The following SPEN variants were observed in gnomAD, a reference collection of about 807,000 sequenced individuals.
SPEN encodes msx2-interacting protein.
SPEN carries 18 observed loss-of-function variants against 269.9 expected under a neutral mutation model. That is an observed-to-expected ratio of 0.07 (90% CI 0.05 to 0.10). The LOEUF (loss-of-function observed/expected upper bound fraction) is 0.10. Among genes scored for constraint, SPEN ranks in the 10% least tolerant of loss-of-function variants. The pLI is 1.00. For missense variants in SPEN, 3,822 were observed against 4,631.2 expected, an observed-to-expected ratio of 0.83 and a Z score of 5.07; for synonymous variants, 1,726 against 1,765.7, an observed-to-expected ratio of 0.98 and a Z score of 0.56.
intron 1 of SPEN, among the ~76,000 whole-genome samples, chr1:15,870,851 G>T (rs2070566089): frequency 6.6e-6 from 1 of 152,194 alleles, no homozygotes; most frequent in Non-Finnish European, 1.5e-5. Context: ...TTCTTATGCA[G>T]TTGATGAAAA....
At position 15,929,360 on chromosome 1, in the gene SPEN, G is replaced by A. The variant is rs755049645; in HGVS notation, c.3120G>A (p.Val1040=). 26 of 1,613,174 alleles carry A rather than the reference G, an allele frequency of 1.6e-5. 1 individual carries two copies. The South Asian group carries it at 2.9e-4, about 18-fold the overall frequency. Residue 1040 remains valine, a synonymous_variant, in exon 11 of 15, where the codon GTG becomes GTA. Coordinates refer to ENST00000375759, the MANE Select transcript of SPEN (RefSeq NM_015001.3). This position sits in a 1 kb window ranked among gnomAD's most constrained non-coding sequence, Gnocchi z 5.8. ...LREGEAERKP[V]RKEILKRESK... ...AAGGAGAGGCTGAAAGAAAGCCTGT[G>A]AGGAAAGAAATTCTTAAAAGAGAAT...
In SPEN at chr1:15,848,415, C is replaced by T. The variant is rs2070298202; in HGVS notation, c.83+265C>T. ...TCCGTGACGAGGGAGGTGACCGAGG[C>T]TCGGCCTCCACGCAGCCGGCGCCCC... On this transcript the variant is annotated intron_variant, in intron 1 of 14. Transcript: ENST00000375759. The surrounding 1 kb of genome is among the most constrained non-coding windows in gnomAD (Gnocchi z 5.1). 6.6e-6 allele frequency among the ~76,000 whole-genome samples: 1 copy of T among 151,636 alleles called. No homozygotes were observed. Among genetic ancestry groups the T allele is most frequent in the African/African-American group, 2.4e-5 (1 of 41,380 alleles).
At chr1:15,892,306 G>A (rs2070798352) in intron 3 of SPEN, among the ~76,000 whole-genome samples, 1 of 152,114 alleles carries the variant, frequency 6.6e-6, no homozygotes, top group African/African-American at 2.4e-5. Flanking sequence ...TTACAGGCGT[G>A]AGCCACTGCT....
intron 1 of SPEN, among the ~76,000 whole-genome samples, chr1:15,859,903 A>ATTTTTTTTTT (rs1557734352): frequency 1.7e-5 from 1 of 59,302 alleles, no homozygotes; most frequent in African/African-American, 8.0e-5. Context: ...ATCAGTTAAC[A>ATTTTTTTTTT]TCTTTTTTTT....
chr1:15,878,124 T>G (rs750471653), intron 3 of SPEN, among the ~76,000 whole-genome samples: 2 of 152,150 alleles, frequency 1.3e-5, no homozygotes, highest in Non-Finnish European at 2.9e-5. Context: ...AATGCTTACT[T>G]TGATACCTAG....
intron 3 of SPEN, among the ~76,000 whole-genome samples, chr1:15,898,059 T>C (rs1445986995): frequency 6.6e-6 from 1 of 152,092 alleles, no homozygotes; most frequent in Admixed American, 6.6e-5. Context: ...GAGCAGAGCA[T>C]TGTGGGCAAA....
At chr1:15,896,769 C>T (rs780651262) in intron 3 of SPEN, among the ~76,000 whole-genome samples, 43 of 152,270 alleles carry the variant, frequency 2.8e-4, no homozygotes, top group Non-Finnish European at 5.7e-4. Flanking sequence ...GGAAAAATTA[C>T]TAGCTTGGGC....
rs1343631615 is a variant in SPEN at position 15,852,389 on chromosome 1, A to G, written c.83+4239A>G. Among the ~76,000 whole-genome samples, 5 of 152,354 alleles carry G rather than the reference A, an allele frequency of 3.3e-5. No homozygotes were observed. The East Asian group carries it at 9.6e-4, about 29-fold the overall frequency. ...TTTTGCACATTTTAAAAATAAAACA[A>G]AAAATTCAGAGTTATCTTAAAACAT... is the stretch of plus-strand genomic sequence containing the variant. On this transcript the variant is annotated intron_variant, in intron 1 of 14. Coordinates refer to ENST00000375759, the MANE Select transcript of SPEN (RefSeq NM_015001.3).
chr1:15,922,221 C>A (rs758940763), intron 9 of SPEN, 28 bp from the exon 10 acceptor site: 4 of 1,500,728 alleles, frequency 2.7e-6, no homozygotes, highest in South Asian at 1.2e-5. Flanking sequence ...TTGAAACTTG[C>A]ATCAAACACC....
In SPEN at chr1:15,930,485, A is replaced by G. The variant is rs538594632; in HGVS notation, c.4245A>G (p.Leu1415=). ...SFLLRDREDK[L]RERDERLSSS... The stretch of plus-strand genomic sequence containing the variant: ...TATTGAGGGACAGAGAAGACAAGCT[A>G]CGTGAGCGAGATGAAAGACTCTCTA... The change falls in exon 11 of 15, where the codon CTA becomes CTG. Residue 1415 remains leucine (L), a synonymous_variant. Coordinates refer to ENST00000375759, the MANE Select transcript of SPEN (RefSeq NM_015001.3). The surrounding 1 kb of genome is among the most constrained non-coding windows in gnomAD (Gnocchi z 5.3). The G allele has an allele frequency of 3.8e-5, 62 of 1,614,240 alleles. No individual in the cohort carries two copies. The South Asian group carries it at 6.5e-4, about 17-fold the overall frequency.
At chr1:15,861,181 G>A (rs535280359) in intron 1 of SPEN, among the ~76,000 whole-genome samples, 2 of 149,498 alleles carry the variant, frequency 1.3e-5, no homozygotes, top group East Asian at 4.0e-4. Flanking sequence ...CACCTAGGCT[G>A]GAGTGCAGAT....
chr1:15,932,902 CCAT>C lies in SPEN; in HGVS notation c.6668_6670del (p.Ile2223del). ...ACAGAGCTGGCTGCGGCCATCGGCTCCATCATCAATGACATTTCTGGGGAGCCA... is the reference window on the plus strand; with the variant it reads ...ACAGAGCTGGCTGCGGCCATCGGCTCCATCAATGACATTTCTGGGGAGCCA... On this transcript the variant is annotated inframe_deletion, in exon 11 of 15. Transcript: ENST00000375759. The surrounding 1 kb of genome is among the most constrained non-coding windows in gnomAD (Gnocchi z 4.2). 3 of 1,614,246 alleles carry C rather than the reference CCAT, an allele frequency of 1.9e-6. No individual in the cohort carries two copies. Among genetic ancestry groups the C allele is most frequent in the Non-Finnish European group, 2.5e-6 (3 of 1,180,044 alleles).
chr1:15,925,327 T>C (rs2071155715), intron 10 of SPEN, among the ~76,000 whole-genome samples: 1 of 152,200 alleles, frequency 6.6e-6, no homozygotes, highest in Non-Finnish European at 1.5e-5. Flanking sequence ...CTTTGGATAC[T>C]CTGTGGTTTT....
intron 2 of SPEN, chr1:15,874,061 G>C: frequency 7.7e-6 from 10 of 1,305,406 alleles, no homozygotes; most frequent in Non-Finnish European, 1.0e-5. Context: ...GAATTGTAGA[G>C]GATATTTCCT....
intron 1 of SPEN, among the ~76,000 whole-genome samples, chr1:15,868,036 G>A (rs916750857): frequency 2.6e-5 from 4 of 151,748 alleles, no homozygotes; most frequent in African/African-American, 7.3e-5. Flanking sequence ...ATTTTGCCAC[G>A]TTGCCCAGGC....
chr1:15,851,802 G>A (rs113978632), intron 1 of SPEN, among the ~76,000 whole-genome samples: 6 of 152,200 alleles, frequency 3.9e-5, no homozygotes, highest in African/African-American at 1.4e-4. Flanking sequence ...GGTGAACATG[G>A]TAAAACCCCG....
At chr1:15,876,735 A>T (rs1017293362) in intron 3 of SPEN, 57 bp downstream of exon 3, 2 of 1,224,354 alleles carry the variant, frequency 1.6e-6, no homozygotes, top group South Asian at 1.3e-5. Flanking sequence ...AATTCTCAAC[A>T]ATCAGTGGGA....
In SPEN at chr1:15,933,115, C is replaced by T. The variant is rs753054317; in HGVS notation, c.6875C>T (p.Ser2292Leu). ...SRPPVNAPDP[S>L]AGPTDTKEAR... Reference sequence around the variant, plus strand: ...CCTCCAGTCAATGCTCCTGACCCCTCAGCCGGCCCAACAGATACCAAGGAA... The same window carrying T: ...CCTCCAGTCAATGCTCCTGACCCCTTAGCCGGCCCAACAGATACCAAGGAA... The change falls in exon 11 of 15, where the codon TCA (serine) becomes TTA (leucine). Residue 2292 changes from serine (S) to leucine (L), a missense_variant. Ser to Leu is a moderately radical substitution (Grantham distance 145). Coordinates refer to ENST00000375759, the MANE Select transcript of SPEN (RefSeq NM_015001.3). This position sits in a 1 kb window ranked among gnomAD's most constrained non-coding sequence, Gnocchi z 5.7. The T allele has an allele frequency of 2.4e-5, 38 of 1,614,104 alleles. No individual in the cohort carries two copies. The East Asian group carries it at 8.2e-4, about 35-fold the overall frequency.
rs2071216510 is a variant in SPEN, at chr1:15,931,156, C to T, written c.4916C>T (p.Pro1639Leu). ...SELKTPPSVG[P>L]PSVTVVTLES... is the part of the protein sequence containing the mutation. ...CTGAAAACTCCACCTTCCGTTGGGC[C>T]TCCAAGTGTCACAGTCGTAACTCTA... is the stretch of plus-strand genomic sequence containing the variant. The change falls in exon 11 of 15, where the codon CCT (proline) becomes CTT (leucine). Residue 1639 changes from proline to leucine, a missense_variant. Transcript: ENST00000375759. This position sits in a 1 kb window ranked among gnomAD's most constrained non-coding sequence, Gnocchi z 4.8. The T allele has an allele frequency of 1.9e-6, 3 of 1,614,096 alleles. No individual in the cohort carries two copies. Among genetic ancestry groups the T allele is most frequent in the African/African-American group, 2.7e-5 (2 of 74,918 alleles).
Sources: gnomAD v4.1 joint callset for allele counts (sites outside exome capture counted in the v4.1 genomes callset) on GRCh38, gnomAD v4.1.1 for gene constraint, Gnocchi (gnomAD v3.1) non-coding constraint, MANE v1.5 for transcripts, NCBI Gene and HGNC (gene_info 2026-07-23, HGNC 2026-07-21) for gene names.